TAFA4: variants seen among roughly 807,000 people sequenced by gnomAD.
TAFA4 encodes the protein chemokine-like protein TAFA-4.
A neutral mutation model predicts 21.1 loss-of-function variants in TAFA4; 20 were observed. The ratio of observed to expected loss-of-function variants is 0.95; its 90% CI spans 0.67 to 1.38. TAFA4 has a LOEUF of 1.38. Among genes scored for constraint, TAFA4 ranks in the 40% most tolerant of loss-of-function variants. The pLI, the probability that TAFA4 is intolerant of heterozygous loss-of-function variation, is 0.00. For missense variants in TAFA4, 211 were observed against 180.9 expected, an observed-to-expected ratio of 1.17 and a Z score of -0.95; for synonymous variants, 71 against 67.4, an observed-to-expected ratio of 1.05 and a Z score of -0.26.
chr3:68,796,503 A>T (rs1393187882), intron 3 of TAFA4, among the ~76,000 whole-genome samples: 2 of 152,170 alleles, frequency 1.3e-5, no homozygotes, highest in Non-Finnish European at 2.9e-5. Flanking sequence ...CTCTAAATGG[A>T]TCAAAAACCT....
intron 4 of TAFA4, among the ~76,000 whole-genome samples, chr3:68,740,846 CTTCATTCTTTT>C (rs1197714081): frequency 6.6e-6 from 1 of 152,172 alleles, no homozygotes; most frequent in East Asian, 1.9e-4. Flanking sequence ...ACAGGTCTAA[CTTCATTCTTTT>C]GCATGGGAAT....
chr3:68,874,351 T>A (rs1461206614), intron 3 of TAFA4, among the ~76,000 whole-genome samples: 2 of 152,172 alleles, frequency 1.3e-5, no homozygotes, highest in East Asian at 3.9e-4. Flanking sequence ...GACCAAAATA[T>A]TTAAAGCATC....
intron 3 of TAFA4, among the ~76,000 whole-genome samples, chr3:68,765,847 T>C (rs1702843543): frequency 6.6e-6 from 1 of 152,066 alleles, no homozygotes; most frequent in Non-Finnish European, 1.5e-5. Flanking sequence ...GGGAAGAGAT[T>C]CAGTATCCCC....
chr3:68,874,118 C>T (rs1044345499), intron 3 of TAFA4, among the ~76,000 whole-genome samples: 12 of 152,154 alleles, frequency 7.9e-5, no homozygotes, highest in African/African-American at 2.9e-4. Flanking sequence ...TTGGAGACAC[C>T]CAACAATCTC....
chr3:68,784,431 CG>C (rs1703210939), intron 3 of TAFA4, among the ~76,000 whole-genome samples: 1 of 151,988 alleles, frequency 6.6e-6, no homozygotes, highest in Non-Finnish European at 1.5e-5. Flanking sequence ...GGTGGGTTCA[CG>C]GTCTCGCTGG....
intron 3 of TAFA4, among the ~76,000 whole-genome samples, chr3:68,778,144 A>G (rs367831789): frequency 8.5e-5 from 13 of 152,330 alleles, no homozygotes; most frequent in African/African-American, 2.6e-4. Context: ...TTTGCTGTCT[A>G]TAAGAAACCC....
At chr3:68,861,808 G>A (rs1466251484) in intron 3 of TAFA4, among the ~76,000 whole-genome samples, 5 of 152,032 alleles carry the variant, frequency 3.3e-5, no homozygotes, top group Admixed American at 6.6e-5. Flanking sequence ...CCTGTGACCC[G>A]TCATTGGATT....
At chr3:68,848,808 G>T (rs1704872826) in intron 3 of TAFA4, among the ~76,000 whole-genome samples, 2 of 152,046 alleles carry the variant, frequency 1.3e-5, no homozygotes, top group Non-Finnish European at 2.9e-5. Context: ...TGACCATCTT[G>T]GAGTGGGAAC....
chr3:68,753,212 T>C (rs1403182580), intron 3 of TAFA4, among the ~76,000 whole-genome samples, 194 bp from the exon 4 acceptor site: 1 of 152,080 alleles, frequency 6.6e-6, no homozygotes, highest in Non-Finnish European at 1.5e-5. Flanking sequence ...AAAGCTTCTG[T>C]GAACCTGTGG....
chr3:68,897,845 TC>T (rs35049652), intron 1 of TAFA4, among the ~76,000 whole-genome samples: 6 of 149,068 alleles, frequency 4.0e-5, no homozygotes, highest in African/African-American at 7.4e-5. Flanking sequence ...ACTCAACACT[TC>T]CCCCTTGACA....
intron 2 of TAFA4, among the ~76,000 whole-genome samples, chr3:68,881,452 A>G (rs571263089): frequency 7.9e-5 from 12 of 152,332 alleles, no homozygotes; most frequent in African/African-American, 2.9e-4. Context: ...TCACATGACA[A>G]TTCAGTTGCA....
chr3:68,749,691 T>C (rs1420251954), intron 4 of TAFA4, among the ~76,000 whole-genome samples: 1 of 152,194 alleles, frequency 6.6e-6, no homozygotes, highest in Non-Finnish European at 1.5e-5. Flanking sequence ...ATGTTAGGTA[T>C]AGGAGACACA....
At chr3:68,904,854 G>C (rs1575666277) in intron 1 of TAFA4, among the ~76,000 whole-genome samples, 5 of 152,214 alleles carry the variant, frequency 3.3e-5, no homozygotes, top group Non-Finnish European at 7.3e-5. Context: ...CAGTGCCCTG[G>C]GGAATGCCCA....
At chr3:68,737,918 C>A (rs750138287) in intron 5 of TAFA4, among the ~76,000 whole-genome samples, 15 of 152,144 alleles carry the variant, frequency 9.9e-5, no homozygotes, top group Non-Finnish European at 2.1e-4. Context: ...CTTAGAATGA[C>A]CTTGGTCATG....
chr3:68,758,450 T>A (rs1362126956), intron 3 of TAFA4, among the ~76,000 whole-genome samples: 1 of 152,158 alleles, frequency 6.6e-6, no homozygotes, highest in Non-Finnish European at 1.5e-5. Context: ...CTGATGGTTT[T>A]ATAAAGGGGA....
intron 4 of TAFA4, among the ~76,000 whole-genome samples, chr3:68,740,423 C>A (rs1000530505): frequency 6.6e-6 from 1 of 152,156 alleles, no homozygotes; most frequent in Non-Finnish European, 1.5e-5. Flanking sequence ...TTACAAGAAG[C>A]CACAGGAACA....
In TAFA4 at chr3:68,797,470, G is replaced by A. The variant is rs376785022; in HGVS notation, c.131-44452C>T. 6.6e-5 allele frequency among the ~76,000 whole-genome samples: 10 copies of A among 151,830 alleles called. No homozygotes were observed. The East Asian group carries it at 7.8e-4, about 12-fold the overall frequency. On this transcript the variant is annotated intron_variant, in intron 3 of 5. Coordinates refer to ENST00000295569, the MANE Select transcript of TAFA4 (RefSeq NM_182522.5). Reference sequence around the variant, plus strand: ...CAACTAAAAATACAAAAAATTAGCCGGGCATGGTGGCACACACCTGTAGGA... The same window carrying A: ...CAACTAAAAATACAAAAAATTAGCCAGGCATGGTGGCACACACCTGTAGGA...
chr3:68,896,237 T>C (rs2089788125), intron 1 of TAFA4, among the ~76,000 whole-genome samples: 1 of 151,976 alleles, frequency 6.6e-6, no homozygotes, highest in African/African-American at 2.4e-5. Flanking sequence ...CCAAATGTGG[T>C]ATAAGAGTTT....
chr3:68,808,523 C>A (rs1167661268), intron 3 of TAFA4, among the ~76,000 whole-genome samples: 1 of 152,178 alleles, frequency 6.6e-6, no homozygotes, highest in African/African-American at 2.4e-5. Context: ...GCCACCATAG[C>A]CTACTTTTTT....
Sources: gnomAD v4.1 joint callset for allele counts (sites outside exome capture counted in the v4.1 genomes callset) on GRCh38, gnomAD v4.1.1 for gene constraint, MANE v1.5 for transcripts, NCBI Gene and HGNC (gene_info 2026-07-23, HGNC 2026-07-21) for gene names.